KIAA0825: variants seen among roughly 807,000 people sequenced by gnomAD.
The protein encoded by KIAA0825 is uncharacterized protein KIAA0825.
KIAA0825 carries 119 observed loss-of-function variants against 147.6 expected under a neutral mutation model. That is an observed-to-expected ratio of 0.81 (90% CI 0.69 to 0.94). The LOEUF (loss-of-function observed/expected upper bound fraction) is 0.94, where lower values mean the gene tolerates loss of function less well. Ranked by LOEUF, KIAA0825 falls within the 40% of genes least tolerant of loss-of-function variation. The probability of loss-of-function intolerance (pLI) is 0.00; values close to 1 mark genes in which losing one functional copy is unlikely to be tolerated. For synonymous variants in KIAA0825, 470 were observed against 518.1 expected (o/e 0.91, Z 1.26); for missense variants, 1,381 against 1,472.7 (o/e 0.94, Z 1.02).
chr5:94,534,179 G>C (rs1306158846), intron 3 of KIAA0825, among the ~76,000 whole-genome samples: 1 of 152,078 alleles, frequency 6.6e-6, no homozygotes, highest in Admixed American at 6.5e-5. Context: ...GAGATAAATA[G>C]AACTGTTAGA....
Position 94,471,522 on chromosome 5 carries a change from C to T in KIAA0825, c.1665G>A (p.Val555=). 1 of 1,552,086 alleles carries T rather than the reference C, an allele frequency of 6.4e-7. No homozygotes were observed. The highest frequency in any genetic ancestry group is 8.7e-7 in the Non-Finnish European group (1 of 1,147,070). The change falls in exon 9 of 21, where the codon GTG becomes GTA. Residue 555 remains valine (V), a synonymous_variant. Transcript: ENST00000682413. ...ATCGCTTGAAATGCTGGAAGACATA[C>T]ACCGCTGTGGAGAGGTATGTGTGCA... ...KNLHTYLSTA[V]YVFQHFKRYD... is the part of the protein sequence containing the mutation.
intron 20 of KIAA0825, among the ~76,000 whole-genome samples, chr5:94,164,688 G>C (rs964973355): frequency 6.6e-6 from 1 of 152,104 alleles, no homozygotes; most frequent in Non-Finnish European, 1.5e-5. Context: ...TGGGATTACA[G>C]GTGTGAGCCA....
chr5:94,489,540 A>C (rs977080608), intron 5 of KIAA0825, among the ~76,000 whole-genome samples: 1 of 151,772 alleles, frequency 6.6e-6, no homozygotes, highest in African/African-American at 2.4e-5. Context: ...GTCAACCAAA[A>C]AGTTGCTATT....
At chr5:94,596,607 C>T (rs1785363129) in intron 1 of KIAA0825, among the ~76,000 whole-genome samples, 2 of 152,094 alleles carry the variant, frequency 1.3e-5, no homozygotes, top group South Asian at 2.1e-4. Flanking sequence ...TTTCTAGTCT[C>T]TGAAGAATGT....
At chr5:94,162,692 A>G (rs776936128) in intron 20 of KIAA0825, among the ~76,000 whole-genome samples, 35 of 152,024 alleles carry the variant, frequency 2.3e-4, no homozygotes, top group Non-Finnish European at 3.4e-4. Flanking sequence ...TCTCCCAAAC[A>G]AAAAAACAAA....
chr5:94,222,666 T>C (rs1773773819), intron 20 of KIAA0825, among the ~76,000 whole-genome samples: 1 of 152,198 alleles, frequency 6.6e-6, no homozygotes, highest in Non-Finnish European at 1.5e-5. Flanking sequence ...GCAAAGATAC[T>C]CTCTTGCATA....
At chr5:94,511,481 G>C (rs1301609879) in intron 5 of KIAA0825, among the ~76,000 whole-genome samples, 1 of 152,130 alleles carries the variant, frequency 6.6e-6, no homozygotes, top group Non-Finnish European at 1.5e-5. Flanking sequence ...TTAGCTGGAC[G>C]TGGTGGCACA....
chr5:94,243,404 A>G (rs1372195798), intron 20 of KIAA0825, among the ~76,000 whole-genome samples: 33 of 152,110 alleles, frequency 2.2e-4, no homozygotes, highest in Admixed American at 2.2e-3. Flanking sequence ...CCTGGCCTTT[A>G]CCATTTGCTA....
intron 2 of KIAA0825, among the ~76,000 whole-genome samples, chr5:94,575,524 A>G (rs1287316002): frequency 1.3e-5 from 2 of 152,260 alleles, no homozygotes; most frequent in African/African-American, 4.8e-5. Flanking sequence ...CAGAGAAACT[A>G]AACAGGGCAC....
intron 1 of KIAA0825, chr5:94,592,757 T>A (rs1384062351): frequency 5.1e-5 from 17 of 333,660 alleles, no homozygotes; most frequent in South Asian, 5.1e-4. Flanking sequence ...CCTAAGAAAA[T>A]TTGTGATGTA....
intron 3 of KIAA0825, among the ~76,000 whole-genome samples, chr5:94,526,749 T>C (rs1349016387): frequency 6.6e-6 from 1 of 151,984 alleles, no homozygotes; most frequent in Non-Finnish European, 1.5e-5. Context: ...GTTAAATATG[T>C]GGTAGGCATT....
intron 13 of KIAA0825, among the ~76,000 whole-genome samples, chr5:94,446,797 A>G (rs1757784841): frequency 6.6e-6 from 1 of 152,192 alleles, no homozygotes; most frequent in Non-Finnish European, 1.5e-5. Flanking sequence ...TTTGGGTTTG[A>G]GAAAACTCTT....
At chr5:94,470,410 GTT>G (rs1486213554) in intron 9 of KIAA0825, among the ~76,000 whole-genome samples, 4 of 152,140 alleles carry the variant, frequency 2.6e-5, no homozygotes, top group Non-Finnish European at 5.9e-5. Context: ...TTGTAAGCCT[GTT>G]ATTAGAGATC....
At chr5:94,349,911 A>G (rs943560438) in intron 20 of KIAA0825, among the ~76,000 whole-genome samples, 1 of 152,196 alleles carries the variant, frequency 6.6e-6, no homozygotes, top group African/African-American at 2.4e-5. Flanking sequence ...CAAACCCAGC[A>G]GAAAAAGGAA....
At chr5:94,365,038 G>A (rs1158789602) in intron 20 of KIAA0825, among the ~76,000 whole-genome samples, 3 of 152,094 alleles carry the variant, frequency 2.0e-5, no homozygotes, top group Non-Finnish European at 2.9e-5. Flanking sequence ...AGGCAAAGAC[G>A]CCATTTGCAT....
chr5:94,460,976 G>A (rs1759745556), intron 12 of KIAA0825, among the ~76,000 whole-genome samples: 1 of 151,908 alleles, frequency 6.6e-6, no homozygotes, highest in Non-Finnish European at 1.5e-5. Flanking sequence ...ACCAGAGGCA[G>A]TGCTTAGCGT....
At chr5:94,478,673 G>A (rs1048078148) in intron 6 of KIAA0825, among the ~76,000 whole-genome samples, 17 of 152,030 alleles carry the variant, frequency 1.1e-4, no homozygotes, top group Non-Finnish European at 1.9e-4. Flanking sequence ...CAAGAAGATA[G>A]TGTTACAAAT....
At chr5:94,593,865 CCT>C in intron 1 of KIAA0825, 2 of 371,968 alleles carry the variant, frequency 5.4e-6, no homozygotes, top group South Asian at 4.5e-5. Context: ...TCCATTCTGG[CCT>C]CTGCTATTTC....
chr5:94,287,923 G>A (rs1389164968), intron 20 of KIAA0825, among the ~76,000 whole-genome samples: 1 of 152,030 alleles, frequency 6.6e-6, no homozygotes, highest in African/African-American at 2.4e-5. Context: ...TCTTGCTCTT[G>A]GGGCACTAGA....
Sources: allele counts gnomAD v4.1 joint callset (sites outside exome capture counted in the v4.1 genomes callset), GRCh38; gene constraint gnomAD v4.1.1; transcripts MANE v1.5; gene names NCBI Gene and HGNC (gene_info 2026-07-23, HGNC 2026-07-21).